The following ATRNL1 variants were observed in gnomAD, a reference collection of about 807,000 sequenced individuals.
ATRNL1 encodes attractin-like protein 1.
Under a neutral mutation model 182.7 loss-of-function variants are expected in ATRNL1, and 95 were observed. The observed-to-expected ratio is 0.52, with a 90% CI of 0.44 to 0.62. ATRNL1 has a LOEUF of 0.62. Among genes scored for constraint, ATRNL1 ranks in the 20% least tolerant of loss-of-function variants. The probability of loss-of-function intolerance (pLI) is 0.00; values close to 1 mark genes in which losing one functional copy is unlikely to be tolerated. For missense variants in ATRNL1, 1,471 were observed against 1,679.5 expected, an observed-to-expected ratio of 0.88 and a Z score of 2.17; for synonymous variants, 576 against 568.3, an observed-to-expected ratio of 1.01 and a Z score of -0.19.
At chr10:115,154,335 G>T (rs1264143598) in intron 5 of ATRNL1, among the ~76,000 whole-genome samples, 1 of 152,030 alleles carries the variant, frequency 6.6e-6, no homozygotes, top group South Asian at 2.1e-4. Context: ...TTATTATTGT[G>T]TGGGAGTCTA....
intron 8 of ATRNL1, among the ~76,000 whole-genome samples, chr10:115,179,337 C>G (rs1554887471): frequency 1.3e-5 from 2 of 152,020 alleles, no homozygotes; most frequent in African/African-American, 4.8e-5. Context: ...TTTTATTCCA[C>G]CAACTTTCTC....
chr10:115,812,062 G>A (rs1477666894), intron 27 of ATRNL1, among the ~76,000 whole-genome samples: 3 of 151,776 alleles, frequency 2.0e-5, no homozygotes, highest in Non-Finnish European at 2.9e-5. Flanking sequence ...CAGTTCAGTG[G>A]TATTAAATAC....
intron 13 of ATRNL1, among the ~76,000 whole-genome samples, chr10:115,275,805 C>G (rs782478345): frequency 6.6e-6 from 1 of 152,146 alleles, no homozygotes; most frequent in East Asian, 1.9e-4. Flanking sequence ...GACAAATCCA[C>G]TCTAACATTC....
intron 28 of ATRNL1, among the ~76,000 whole-genome samples, chr10:115,854,819 G>A (rs17093691): frequency 0.061 from 9,292 of 152,206 alleles, 894 homozygotes; most frequent in African/African-American, 0.2. Context: ...TATCCCTGGA[G>A]CGGACAGAGA....
At chr10:115,170,889 C>G in intron 7 of ATRNL1, 148 bp from the exon 8 acceptor site, 1 of 415,292 alleles carries the variant, frequency 2.4e-6, no homozygotes, top group Non-Finnish European at 4.0e-6. Context: ...TTCATGTGTT[C>G]TCATTACTTT....
At chr10:115,095,389 CTA>C (rs1554862883) in intron 1 of ATRNL1, among the ~76,000 whole-genome samples, 6 of 145,970 alleles carry the variant, frequency 4.1e-5, no homozygotes, top group East Asian at 4.2e-4. Flanking sequence ...AAAAAACTTA[CTA>C]TTACTGATTA....
chr10:115,212,594 A>G (rs1554895267), intron 8 of ATRNL1, among the ~76,000 whole-genome samples: 1 of 152,092 alleles, frequency 6.6e-6, no homozygotes, highest in Admixed American at 6.6e-5. Context: ...CAAAGAATCA[A>G]TCTAAATGCC....
chr10:115,178,952 T>A (rs898513637), intron 8 of ATRNL1, among the ~76,000 whole-genome samples: 4 of 152,138 alleles, frequency 2.6e-5, no homozygotes, highest in Admixed American at 2.0e-4. Context: ...ATTCTTTTTC[T>A]AAGAAGTTTT....
At chr10:115,619,631 T>C (rs1592957718) in intron 26 of ATRNL1, among the ~76,000 whole-genome samples, 1 of 152,356 alleles carries the variant, frequency 6.6e-6, no homozygotes, top group East Asian at 1.9e-4. Context: ...AGTATAGAAT[T>C]TTAAACTTCA....
chr10:115,648,517 A>G (rs1288778667), intron 26 of ATRNL1, among the ~76,000 whole-genome samples: 1 of 152,192 alleles, frequency 6.6e-6, no homozygotes, highest in Non-Finnish European at 1.5e-5. Context: ...AGCCAAAAGA[A>G]CAAAGCTGGA....
intron 28 of ATRNL1, among the ~76,000 whole-genome samples, chr10:115,868,076 T>TTCCTC (rs1350835149): frequency 8.5e-5 from 13 of 152,124 alleles, no homozygotes; most frequent in Non-Finnish European, 1.6e-4. Flanking sequence ...TGATGTGACT[T>TTCCTC]TTATACAAAC....
chr10:115,400,163 T>C (rs2134299725), intron 20 of ATRNL1, among the ~76,000 whole-genome samples: 1 of 152,008 alleles, frequency 6.6e-6, no homozygotes, highest in Non-Finnish European at 1.5e-5. Flanking sequence ...TGGCCAAAAC[T>C]CATATGAAAA....
At chr10:115,924,930 T>A (rs1953177445) in intron 28 of ATRNL1, among the ~76,000 whole-genome samples, 1 of 152,156 alleles carries the variant, frequency 6.6e-6, no homozygotes, top group South Asian at 2.1e-4. Flanking sequence ...CCTTGAGCAG[T>A]GGTTTGTACT....
chr10:115,461,763 T>C (rs1847807770), intron 21 of ATRNL1, among the ~76,000 whole-genome samples, 178 bp from the exon 22 acceptor site: 1 of 152,124 alleles, frequency 6.6e-6, no homozygotes, highest in Admixed American at 6.6e-5. Context: ...TCCATAACTA[T>C]GTTTTGCTTT....
At chr10:115,252,488 A>T (rs79430677) in intron 10 of ATRNL1, among the ~76,000 whole-genome samples, 4,790 of 152,310 alleles carry the variant, frequency 0.031, 283 homozygotes, top group African/African-American at 0.11. Flanking sequence ...CATGCTGGAG[A>T]GTAGCCTCTA....
At chr10:115,206,840 C>G (rs1242508684) in intron 8 of ATRNL1, among the ~76,000 whole-genome samples, 1 of 152,100 alleles carries the variant, frequency 6.6e-6, no homozygotes, top group African/African-American at 2.4e-5. Flanking sequence ...TTCTCCAGCC[C>G]CTCACCTGCC....
intron 24 of ATRNL1, among the ~76,000 whole-genome samples, chr10:115,485,187 T>TTATAAAAATATATATA (rs1481697326): frequency 2.9e-4 from 44 of 152,042 alleles, no homozygotes; most frequent in Non-Finnish European, 5.1e-4. Flanking sequence ...TTTTATTGTT[T>TTATAAAAATATATATA]TATAAAAATA....
chr10:115,428,547 G>A (rs1046506940), intron 21 of ATRNL1, among the ~76,000 whole-genome samples: 4 of 151,978 alleles, frequency 2.6e-5, no homozygotes, highest in African/African-American at 4.8e-5. Flanking sequence ...TCAGATTAAG[G>A]AAATTGCCTT....
intron 7 of ATRNL1, among the ~76,000 whole-genome samples, chr10:115,167,155 T>A (rs1463343415): frequency 6.6e-6 from 1 of 151,958 alleles, no homozygotes; most frequent in African/African-American, 2.4e-5. Flanking sequence ...AAAGAAACTG[T>A]CTTTTTCCCA....
Sources: gnomAD v4.1 joint callset for allele counts (sites outside exome capture counted in the v4.1 genomes callset) on GRCh38, gnomAD v4.1.1 for gene constraint, MANE v1.5 for transcripts, NCBI Gene and HGNC (gene_info 2026-07-23, HGNC 2026-07-21) for gene names.